The following ESRRB variants were observed in gnomAD, a reference collection of about 807,000 sequenced individuals.
ESRRB encodes estrogen related receptor beta.
In ESRRB, 16 loss-of-function variants were observed where a neutral mutation model predicts 46.0. That is an observed-to-expected ratio of 0.35 (90% confidence interval 0.24 to 0.53). The LOEUF (loss-of-function observed/expected upper bound fraction) is 0.53, where lower values mean the gene tolerates loss of function less well. ESRRB is among the 20% of genes least tolerant of loss of function. The probability of loss-of-function intolerance (pLI) is 0.93; values close to 1 mark genes in which losing one functional copy is unlikely to be tolerated. For missense variants in ESRRB, 488 were observed against 607.4 expected (o/e 0.80, Z 2.07); for synonymous variants, 246 against 259.6 (o/e 0.95, Z 0.50).
intron 1 of ESRRB, among the ~76,000 whole-genome samples, chr14:76,418,982 T>A (rs187964688): frequency 6.6e-6 from 1 of 152,078 alleles, no homozygotes; most frequent in Non-Finnish European, 1.5e-5. Context: ...CAACTATCTA[T>A]TTTTATCTGG....
At chr14:76,416,876 C>G (rs181632298) in intron 1 of ESRRB, among the ~76,000 whole-genome samples, 1 of 152,100 alleles carries the variant, frequency 6.6e-6, no homozygotes, top group Non-Finnish European at 1.5e-5. Flanking sequence ...GGGAACTTAA[C>G]CTTAGGTGGA....
At position 76,499,097 on chromosome 14, in the gene ESRRB, C is replaced by G. The variant is rs1212272617; in HGVS notation, c.*639C>G. 3 of 332,680 alleles carry G rather than the reference C, an allele frequency of 9.0e-6. No homozygotes were observed. The highest frequency in any genetic ancestry group is 1.8e-5 in the Non-Finnish European group (3 of 169,486). 20.6% of individuals were successfully genotyped at this position (332,680 alleles called of 1,614,324 possible). A position where few individuals can be genotyped will look rare whatever the true frequency, so the allele number is the denominator to read the frequency against. On this transcript the variant is annotated 3_prime_UTR_variant, in exon 7 of 7. Transcript: ENST00000644823. The stretch of plus-strand genomic sequence containing the variant: ...GCACCCCACCCCTCGGGGCCTACCC[C>G]CCTGCCTGTCACCCACCGCGCCGGT...
intron 2 of ESRRB, among the ~76,000 whole-genome samples, chr14:76,448,503 T>TA (rs1888248870): frequency 1.5e-3 from 1 of 666 alleles, no homozygotes; most frequent in Non-Finnish European, 0.012. Context: ...TAATTTTGTA[T>TA]TTTTTTTTTT....
At chr14:76,352,873 A>AGCACCGTCCGCCCTTCCTAGTTC (rs1884330960) in intron 1 of ESRRB, among the ~76,000 whole-genome samples, 6 of 152,124 alleles carry the variant, frequency 3.9e-5, no homozygotes, top group Admixed American at 3.9e-4. Context: ...CACACAGGCG[A>AGCACCGTCCGCCCTTCCTAGTTC]GCACCGTCCG....
At chr14:76,373,283 T>G (rs1884666753), upstream of ESRRB, among the ~76,000 whole-genome samples, 1 of 152,138 alleles carries the variant, frequency 6.6e-6, no homozygotes, top group African/African-American at 2.4e-5. Context: ...AAATAAATCA[T>G]GATTTGTTGA....
chr14:76,398,257 T>A (rs140255612), intron 1 of ESRRB, among the ~76,000 whole-genome samples: 1 of 152,224 alleles, frequency 6.6e-6, no homozygotes, highest in African/African-American at 2.4e-5. Context: ...GATGAGGAAA[T>A]AGGAGCTCAG....
chr14:76,348,855 G>A (rs912813834), intron 1 of ESRRB, among the ~76,000 whole-genome samples: 3 of 152,266 alleles, frequency 2.0e-5, no homozygotes, highest in Admixed American at 2.0e-4. Context: ...TGCCTAGGAA[G>A]GTGGGTGCAT....
chr14:76,468,544 A>T (rs1179560513), intron 3 of ESRRB, among the ~76,000 whole-genome samples: 1 of 151,920 alleles, frequency 6.6e-6, no homozygotes, highest in Non-Finnish European at 1.5e-5. Flanking sequence ...GAAGGAGATG[A>T]TCTTGTCTGT....
intron 1 of ESRRB, among the ~76,000 whole-genome samples, chr14:76,398,398 A>G (rs1379231721): frequency 6.6e-6 from 1 of 152,122 alleles, no homozygotes. Flanking sequence ...CCATATTTCA[A>G]TCTCTCTCTC....
At chr14:76,450,531 AT>A (rs1210487967) in intron 2 of ESRRB, among the ~76,000 whole-genome samples, 3 of 152,148 alleles carry the variant, frequency 2.0e-5, no homozygotes, top group Admixed American at 2.0e-4. Context: ...CTTTTGAGCA[AT>A]TCCTGGGTCT....
chr14:76,318,591 C>T (rs566170953), intron 1 of ESRRB, among the ~76,000 whole-genome samples: 4 of 152,224 alleles, frequency 2.6e-5, no homozygotes, highest in Non-Finnish European at 5.9e-5. Context: ...CTCTCCACTT[C>T]ACACTCAGTT....
intron 1 of ESRRB, among the ~76,000 whole-genome samples, chr14:76,411,556 G>T (rs879810885): frequency 1.3e-5 from 2 of 152,034 alleles, no homozygotes; most frequent in Non-Finnish European, 2.9e-5. Context: ...GTGAATCCTC[G>T]CCTGCTTTAT....
chr14:76,427,895 C>G (rs1042225667), intron 1 of ESRRB, among the ~76,000 whole-genome samples: 1 of 152,138 alleles, frequency 6.6e-6, no homozygotes, highest in Admixed American at 6.5e-5. Context: ...GATTCAAACC[C>G]AAACAGTCCA....
intron 1 of ESRRB, among the ~76,000 whole-genome samples, chr14:76,412,311 T>A (rs1886478195): frequency 6.6e-6 from 1 of 152,226 alleles, no homozygotes; most frequent in Non-Finnish European, 1.5e-5. Flanking sequence ...CTTCAGTACC[T>A]CAGTTTCCCC....
chr14:76,488,344 C>T (rs577176145), intron 5 of ESRRB, among the ~76,000 whole-genome samples: 8 of 152,122 alleles, frequency 5.3e-5, no homozygotes, highest in Non-Finnish European at 1.0e-4. Context: ...GTCCAGAACT[C>T]GAAGCAGCCT....
intron 1 of ESRRB, among the ~76,000 whole-genome samples, chr14:76,413,330 C>T (rs989059993): frequency 7.9e-5 from 12 of 152,334 alleles, no homozygotes; most frequent in East Asian, 7.7e-4. Flanking sequence ...TCCTGTGCCC[C>T]GGCCCCGGCC....
In ESRRB at chr14:76,498,761, GC is replaced by G; in HGVS notation, c.*305del. 2 of 784,276 alleles carry G rather than the reference GC, an allele frequency of 2.6e-6. No homozygotes were observed. Among genetic ancestry groups the G allele is most frequent in the South Asian group, 1.3e-5 (1 of 75,140 alleles). The allele number at this position is 784,276 out of a possible 1,614,324, so 48.6% of individuals were successfully genotyped here. Reference sequence around the variant, plus strand: ...GGGCTGACTCCCTTCAGGAGTGGAGGCCACTGGAGCAAGTGCCCTCTCCCCT... The same window carrying G: ...GGGCTGACTCCCTTCAGGAGTGGAGGCACTGGAGCAAGTGCCCTCTCCCCT... On this transcript the variant is annotated 3_prime_UTR_variant, in exon 7 of 7. Transcript: ENST00000644823.
At chr14:76,372,611 C>T (rs1167851652), upstream of ESRRB, among the ~76,000 whole-genome samples, 1 of 152,020 alleles carries the variant, frequency 6.6e-6, no homozygotes, top group African/African-American at 2.4e-5. Context: ...TCAGGCAGAT[C>T]ACAAGAGGCA....
Position 76,490,393 on chromosome 14 carries a change from A to G in ESRRB, c.851-1054A>G, listed in dbSNP as rs577223773. On this transcript the variant is annotated intron_variant, in intron 5 of 6. Transcript: ENST00000644823. ...ATGTATAATGCAATTCCAGTACATTATCATTGTTCTGCAGTGAGAACTTTC... is the reference window on the plus strand; with the variant it reads ...ATGTATAATGCAATTCCAGTACATTGTCATTGTTCTGCAGTGAGAACTTTC... Among the ~76,000 whole-genome samples the G allele has an allele frequency of 6.6e-5, 10 of 152,342 alleles. No homozygotes were observed. The East Asian group carries it at 1.5e-3, about 23-fold the overall frequency.
Sources: allele counts gnomAD v4.1 joint callset (sites outside exome capture counted in the v4.1 genomes callset), GRCh38; gene constraint gnomAD v4.1.1; transcripts MANE v1.5; gene names NCBI Gene and HGNC (gene_info 2026-07-23, HGNC 2026-07-21).